The following KHDRBS2 variants were observed in gnomAD, a reference collection of about 807,000 sequenced individuals.
KHDRBS2 encodes KH domain-containing, RNA-binding, signal transduction-associated protein 2.
KHDRBS2 carries 26 observed loss-of-function variants against 44.3 expected under a neutral mutation model. The observed-to-expected ratio is 0.59, with a 90% CI of 0.43 to 0.81. KHDRBS2 has a LOEUF of 0.81. KHDRBS2 is among the 40% of genes least tolerant of loss of function. The pLI is 0.00. For missense variants in KHDRBS2, 476 were observed against 433.1 expected, an observed-to-expected ratio of 1.10 and a Z score of -0.88; for synonymous variants, 194 against 151.1, an observed-to-expected ratio of 1.28 and a Z score of -2.08.
At chr6:61,580,914 C>T in the KHDRBS2 span, among the ~76,000 whole-genome samples, 2 of 151,958 alleles carry the variant, frequency 1.3e-5, no homozygotes, top group Non-Finnish European at 2.9e-5. Context: ...GAATTAATTC[C>T]AGACACAAAA....
chr6:61,552,653 T>A, the KHDRBS2 span, among the ~76,000 whole-genome samples: 2 of 152,282 alleles, frequency 1.3e-5, no homozygotes, highest in Non-Finnish European at 2.9e-5. Context: ...ATATGTCTTA[T>A]TATTTTGAGG....
chr6:62,084,387 A>G (rs1798018175), intron 2 of KHDRBS2, among the ~76,000 whole-genome samples: 1 of 152,338 alleles, frequency 6.6e-6, no homozygotes, highest in Middle Eastern at 3.4e-3. Context: ...ACCAAAGTTG[A>G]TAACAGATAT....
Position 62,256,427 on chromosome 6 carries a change from C to G in KHDRBS2, c.91+29431G>C, listed in dbSNP as rs141067293. ...TAAATCATGGGGGGTGAGTCTTTCCCTTGCTATTCTCATGATAGTGAATAA... is the reference window on the plus strand; with the variant it reads ...TAAATCATGGGGGGTGAGTCTTTCCGTTGCTATTCTCATGATAGTGAATAA... On this transcript the variant is annotated intron_variant, in intron 1 of 8. Transcript: ENST00000281156. Among the ~76,000 whole-genome samples the G allele has an allele frequency of 6.6e-4, 100 of 152,024 alleles. 2 individuals carry two copies. The East Asian group carries it at 0.016, about 24-fold the overall frequency.
chr6:61,870,071 C>A (rs1330448667), intron 6 of KHDRBS2, among the ~76,000 whole-genome samples: 2 of 150,608 alleles, frequency 1.3e-5, no homozygotes, highest in Admixed American at 1.3e-4. Context: ...AGCCAGGGAG[C>A]CAAGTGGTCT....
At chr6:62,237,121 C>T (rs1224576854) in intron 1 of KHDRBS2, among the ~76,000 whole-genome samples, 3 of 152,080 alleles carry the variant, frequency 2.0e-5, no homozygotes, top group Non-Finnish European at 2.9e-5. Flanking sequence ...TTGCGTCACA[C>T]GTGCTGTTTT....
intron 2 of KHDRBS2, among the ~76,000 whole-genome samples, chr6:62,050,101 T>C (rs1473452885): frequency 1.3e-5 from 2 of 152,064 alleles, no homozygotes; most frequent in African/African-American, 4.8e-5. Context: ...CACCATGGAA[T>C]GTTATGCAGC....
chr6:61,544,904 G>C, the KHDRBS2 span, among the ~76,000 whole-genome samples: 1 of 152,006 alleles, frequency 6.6e-6, no homozygotes, highest in Admixed American at 6.6e-5. Context: ...CAGAGGAAGG[G>C]GAACATCACA....
At chr6:61,594,481 C>CA in the KHDRBS2 span, among the ~76,000 whole-genome samples, 1 of 151,856 alleles carries the variant, frequency 6.6e-6, no homozygotes, top group African/African-American at 2.4e-5. Context: ...TTAGCATTTG[C>CA]AAAAAGTTTT....
At chr6:62,169,171 G>GTATATATACGTATAAATATACGTA (rs538963000) in intron 2 of KHDRBS2, among the ~76,000 whole-genome samples, 1 of 134,474 alleles carries the variant, frequency 7.4e-6, no homozygotes, top group East Asian at 2.2e-4. Flanking sequence ...ACACATATAT[G>GTATATATACGTATAAATATACGTA]TATATATGTA....
intron 6 of KHDRBS2, among the ~76,000 whole-genome samples, chr6:61,794,165 C>T (rs1785004075): frequency 6.6e-6 from 1 of 152,096 alleles, no homozygotes; most frequent in South Asian, 2.1e-4. Context: ...TTAATAAAAG[C>T]TCAATTTACT....
intron 6 of KHDRBS2, among the ~76,000 whole-genome samples, chr6:61,769,557 T>C (rs986879591): frequency 1.3e-5 from 2 of 152,184 alleles, no homozygotes; most frequent in Non-Finnish European, 2.9e-5. Flanking sequence ...TGGAGGGTCC[T>C]ACTCCCATGG....
intron 2 of KHDRBS2, among the ~76,000 whole-genome samples, chr6:62,162,663 A>G (rs914481811): frequency 6.6e-6 from 1 of 152,120 alleles, no homozygotes; most frequent in African/African-American, 2.4e-5. Flanking sequence ...TACATCAGAC[A>G]GATTCTGCAA....
intron 3 of KHDRBS2, among the ~76,000 whole-genome samples, chr6:61,980,546 T>A (rs79854214): frequency 0.06 from 9,186 of 152,272 alleles, 343 homozygotes; most frequent in East Asian, 0.16. Context: ...GGTTTCTTTA[T>A]AAAAATTTGT....
intron 1 of KHDRBS2, among the ~76,000 whole-genome samples, chr6:62,195,020 A>G (rs1825392555): frequency 6.6e-6 from 1 of 152,098 alleles, no homozygotes; most frequent in African/African-American, 2.4e-5. Flanking sequence ...TCAGTAAGGG[A>G]TATTATCATC....
the KHDRBS2 span, among the ~76,000 whole-genome samples, chr6:61,563,012 T>A: frequency 3.3e-5 from 5 of 152,250 alleles, no homozygotes; most frequent in South Asian, 1.0e-3. Context: ...GGCTTAATGC[T>A]TATTCAATAA....
At chr6:61,736,817 T>TAG (rs2127562282) in intron 6 of KHDRBS2, among the ~76,000 whole-genome samples, 1 of 152,140 alleles carries the variant, frequency 6.6e-6, no homozygotes, top group East Asian at 1.9e-4. Flanking sequence ...TATTAACCCT[T>TAG]AGTTCCCCGA....
the KHDRBS2 span, among the ~76,000 whole-genome samples, chr6:61,639,362 A>G: frequency 6.6e-6 from 1 of 152,086 alleles, no homozygotes; most frequent in East Asian, 1.9e-4. Context: ...TTTCTTGAAT[A>G]TATTTCTTAC....
chr6:61,607,953 G>T, the KHDRBS2 span, among the ~76,000 whole-genome samples: 1 of 152,184 alleles, frequency 6.6e-6, no homozygotes, highest in Non-Finnish European at 1.5e-5. Context: ...CTCCCAAAGT[G>T]CTGGGATTAC....
At chr6:62,005,045 T>C (rs1778963313) in intron 3 of KHDRBS2, among the ~76,000 whole-genome samples, 1 of 149,506 alleles carries the variant, frequency 6.7e-6, no homozygotes, top group African/African-American at 2.6e-5. Context: ...TTCCTTTAAT[T>C]TAAACAAAGG....
Sources: allele counts gnomAD v4.1 joint callset (sites outside exome capture counted in the v4.1 genomes callset), GRCh38; gene constraint gnomAD v4.1.1; transcripts MANE v1.5; gene names NCBI Gene and HGNC (gene_info 2026-07-23, HGNC 2026-07-21).